The following NEK11 variants were observed in gnomAD, a reference collection of about 807,000 sequenced individuals.
NEK11 encodes the protein NIMA related kinase 11.
NEK11 carries 72 observed loss-of-function variants against 80.7 expected under a neutral mutation model. The ratio of observed to expected loss-of-function variants is 0.89; its 90% CI spans 0.74 to 1.08. The LOEUF is 1.08. Ranked by LOEUF, NEK11 falls within the 50% of genes least tolerant of loss-of-function variation. The pLI is 0.00. For synonymous variants in NEK11, 251 were observed against 260.7 expected (o/e 0.96, Z 0.36); for missense variants, 764 against 763.6 (o/e 1.00, Z -0.01).
chr3:131,333,188 A>C (rs2097124014), intron 17 of NEK11, among the ~76,000 whole-genome samples: 1 of 152,162 alleles, frequency 6.6e-6, no homozygotes, highest in Admixed American at 6.5e-5. Context: ...AGTTGAAATG[A>C]AGGAAAAAAT....
At chr3:131,113,879 C>G (rs1039022018) in intron 5 of NEK11, among the ~76,000 whole-genome samples, 6 of 141,722 alleles carry the variant, frequency 4.2e-5, no homozygotes, top group African/African-American at 1.6e-4. Context: ...CCATCGTATT[C>G]TAGCCTGGGT....
Position 131,153,947 on chromosome 3 carries a change from C to G in NEK11, c.877-1089C>G, listed in dbSNP as rs376180311. 3.3e-5 allele frequency among the ~76,000 whole-genome samples: 5 copies of G among 152,098 alleles called. No homozygotes were observed. The South Asian group carries it at 6.2e-4, about 19-fold the overall frequency. On this transcript the variant is annotated intron_variant, in intron 9 of 17. Coordinates refer to ENST00000383366, the MANE Select transcript of NEK11 (RefSeq NM_024800.5). ...TAGGTGACATTTCTTTACCAGTGAG[C>G]CAATGGGAAGCAACCAGCCATGTAA...
intron 17 of NEK11, among the ~76,000 whole-genome samples, chr3:131,343,287 T>C (rs7643573): frequency 0.12 from 18,151 of 152,122 alleles, 1,540 homozygotes; most frequent in East Asian, 0.3. Flanking sequence ...AATGTCACTG[T>C]GATGGTGACA....
intron 5 of NEK11, among the ~76,000 whole-genome samples, chr3:131,117,811 G>A (rs1360101821): frequency 6.6e-6 from 1 of 152,116 alleles, no homozygotes; most frequent in African/African-American, 2.4e-5. Flanking sequence ...TGTGATTTTT[G>A]CACATTGATT....
intron 4 of NEK11, among the ~76,000 whole-genome samples, chr3:131,105,293 T>G (rs529139787): frequency 6.6e-6 from 1 of 152,360 alleles, no homozygotes; most frequent in Non-Finnish European, 1.5e-5. Context: ...GAAAAAGTTG[T>G]TTTAACATAA....
At chr3:131,220,253 A>T (rs866213131) in intron 14 of NEK11, among the ~76,000 whole-genome samples, 1 of 152,222 alleles carries the variant, frequency 6.6e-6, no homozygotes, top group African/African-American at 2.4e-5. Flanking sequence ...ACCTTATGTA[A>T]AAGGTAAAAA....
intron 14 of NEK11, among the ~76,000 whole-genome samples, chr3:131,210,111 G>T (rs1310825851): frequency 6.6e-6 from 1 of 152,158 alleles, no homozygotes; most frequent in African/African-American, 2.4e-5. Context: ...GCTTTCTCCT[G>T]TGGGCATTTA....
At chr3:131,056,002 G>A (rs1273555710) in intron 3 of NEK11, among the ~76,000 whole-genome samples, 2 of 152,202 alleles carry the variant, frequency 1.3e-5, no homozygotes, top group African/African-American at 4.8e-5. Context: ...AAGAGACCAA[G>A]TATACTGTGT....
chr3:131,280,204 A>G (rs1186582200), intron 17 of NEK11, among the ~76,000 whole-genome samples: 3 of 152,150 alleles, frequency 2.0e-5, no homozygotes, highest in Non-Finnish European at 1.5e-5. Context: ...GGATGGCATC[A>G]TTTTCTGGTG....
At chr3:131,153,044 G>A (rs543713258) in intron 9 of NEK11, among the ~76,000 whole-genome samples, 5 of 152,192 alleles carry the variant, frequency 3.3e-5, no homozygotes, top group African/African-American at 7.2e-5. Context: ...CCGAGATTGC[G>A]CCGCTGCACT....
intron 14 of NEK11, among the ~76,000 whole-genome samples, chr3:131,212,200 G>GTTTTCCTTC (rs1402725641): frequency 6.6e-6 from 1 of 152,176 alleles, no homozygotes; most frequent in Admixed American, 6.5e-5. Flanking sequence ...CTGTTTGTTA[G>GTTTTCCTTC]TTTTCCTTCT....
At chr3:131,046,922 A>C (rs2067486601) in intron 3 of NEK11, among the ~76,000 whole-genome samples, 2 of 152,216 alleles carry the variant, frequency 1.3e-5, no homozygotes, top group African/African-American at 4.8e-5. Flanking sequence ...TTTCTTGGAA[A>C]TACCAGTTAT....
chr3:131,243,250 G>T (rs2095545309), intron 15 of NEK11, among the ~76,000 whole-genome samples, 186 bp from the exon 16 acceptor site: 1 of 152,088 alleles, frequency 6.6e-6, no homozygotes, highest in Admixed American at 6.6e-5. Context: ...TAAATCTAGA[G>T]ATTGTTATGG....
intron 7 of NEK11, among the ~76,000 whole-genome samples, chr3:131,138,960 A>G (rs771027425): frequency 8.5e-5 from 13 of 152,102 alleles, no homozygotes; most frequent in Non-Finnish European, 1.9e-4. Flanking sequence ...TAACTCTTCA[A>G]TGCCCAGGCA....
At chr3:131,096,416 C>T (rs959485958) in intron 4 of NEK11, among the ~76,000 whole-genome samples, 2 of 151,982 alleles carry the variant, frequency 1.3e-5, no homozygotes, top group African/African-American at 4.8e-5. Context: ...TTTTCTTTAT[C>T]CAATCAATGA....
intron 16 of NEK11, among the ~76,000 whole-genome samples, chr3:131,257,125 A>G (rs1161839436): frequency 6.7e-6 from 1 of 149,924 alleles, no homozygotes; most frequent in Non-Finnish European, 1.5e-5. Context: ...AGCAGGGACT[A>G]CAGGCATGTG....
chr3:131,152,782 G>A, intron 9 of NEK11, 73 bp downstream of exon 9: 2 of 1,046,536 alleles, frequency 1.9e-6, no homozygotes, highest in Non-Finnish European at 2.9e-6. Context: ...TTGAAGATAT[G>A]CAGTGGGGAT....
At chr3:131,335,792 G>A (rs374414436) in intron 17 of NEK11, among the ~76,000 whole-genome samples, 3 of 152,154 alleles carry the variant, frequency 2.0e-5, no homozygotes, top group Admixed American at 2.0e-4. Flanking sequence ...AAATCAATGT[G>A]CAAAAATCAC....
intron 15 of NEK11, among the ~76,000 whole-genome samples, chr3:131,232,665 T>C (rs1399826437): frequency 1.3e-5 from 2 of 152,226 alleles, no homozygotes; most frequent in Non-Finnish European, 2.9e-5. Flanking sequence ...TCTTGGAACA[T>C]TGTCCCGGGG....
Sources: allele counts gnomAD v4.1 joint callset (sites outside exome capture counted in the v4.1 genomes callset), GRCh38; gene constraint gnomAD v4.1.1; transcripts MANE v1.5; gene names NCBI Gene and HGNC (gene_info 2026-07-23, HGNC 2026-07-21).